The following SHE variants were observed in gnomAD, a reference collection of about 807,000 sequenced individuals.
SHE encodes Src homology 2 domain containing E.
SHE carries 11 observed loss-of-function variants against 49.8 expected under a neutral mutation model. That is an observed-to-expected ratio of 0.22 (90% CI 0.14 to 0.37). The LOEUF (loss-of-function observed/expected upper bound fraction) is 0.37. SHE is among the 10% of genes least tolerant of loss of function. The probability of loss-of-function intolerance (pLI) is 1.00; values close to 1 mark genes in which losing one functional copy is unlikely to be tolerated. For missense variants in SHE, 624 were observed against 655.5 expected, an observed-to-expected ratio of 0.95 and a Z score of 0.52; for synonymous variants, 310 against 278.1, an observed-to-expected ratio of 1.11 and a Z score of -1.14.
intron 5 of SHE, chr1:154,484,568 G>A (rs1231530596): frequency 1.7e-5 from 7 of 422,174 alleles, no homozygotes; most frequent in East Asian, 3.5e-5. Context: ...ATCAGGTAGT[G>A]GAACAAAGAA....
intron 5 of SHE, chr1:154,485,217 G>C (rs1181257255): frequency 6.6e-6 from 1 of 152,048 alleles, no homozygotes; most frequent in Non-Finnish European, 1.5e-5. Flanking sequence ...GCTATTCCTG[G>C]TATTGTATAT....
In SHE at chr1:154,482,592, A is replaced by G; in HGVS notation, c.*1557T>C. 2 of 985,454 alleles carry G rather than the reference A, an allele frequency of 2.0e-6. No individual in the cohort carries two copies. Among genetic ancestry groups the G allele is most frequent in the Non-Finnish European group, 2.4e-6 (2 of 829,938 alleles). The allele number at this position is 985,454 out of a possible 1,614,324, so 61.0% of individuals were successfully genotyped here. On this transcript the variant is annotated 3_prime_UTR_variant, in exon 6 of 6. Transcript: ENST00000304760. Reference sequence around the variant, plus strand: ...TACATTTGCATATGGGGCAGTTTTGAGACCCAAATGACCAACCCCAGAATA... The same window carrying G: ...TACATTTGCATATGGGGCAGTTTTGGGACCCAAATGACCAACCCCAGAATA...
At chr1:154,476,740 T>C (rs563715060), downstream of SHE, among the ~76,000 whole-genome samples, 3 of 152,054 alleles carry the variant, frequency 2.0e-5, no homozygotes, top group Non-Finnish European at 2.9e-5. Flanking sequence ...TTAAGTAAAA[T>C]ATGTTTCTTG....
At chr1:154,487,672 T>A (rs1692221017) in intron 3 of SHE, among the ~76,000 whole-genome samples, 1 of 151,494 alleles carries the variant, frequency 6.6e-6, no homozygotes. Context: ...GGCAGCACAG[T>A]GAGACCCCAT....
intron 1 of SHE, among the ~76,000 whole-genome samples, chr1:154,473,267 T>C (rs940331036): frequency 5.3e-5 from 8 of 152,104 alleles, no homozygotes; most frequent in Admixed American, 1.3e-4. Context: ...CCCAAAGTGC[T>C]GGGATTACAG....
chr1:154,489,360 A>C lies in SHE; in HGVS notation c.719-4T>G, dbSNP rs200447300. 1.2e-6 allele frequency: 2 copies of C among 1,610,122 alleles called. No individual in the cohort carries two copies. The highest frequency in any genetic ancestry group is 4.5e-5 in the East Asian group (2 of 44,498). On this transcript the variant is annotated splice_region_variant and splice_polypyrimidine_tract_variant and intron_variant, in intron 2 of 5. Coordinates refer to ENST00000304760, the MANE Select transcript of SHE (RefSeq NM_001010846.3). ...TTGGAACCCCGTCGTCTAATTTCTG[A>C]AAAACACACACCATTTCTGAAAAAC... is the stretch of plus-strand genomic sequence containing the variant.
Position 154,480,599 on chromosome 1 carries a change from A to T in SHE, c.*3550T>A. The T allele has an allele frequency of 1.0e-6, 1 of 985,474 alleles. No individual in the cohort carries two copies. Among genetic ancestry groups the T allele is most frequent in the Non-Finnish European group, 1.2e-6 (1 of 829,924 alleles). The allele number at this position is 985,474 out of a possible 1,614,324, so 61.0% of individuals were successfully genotyped here. ...CGGCAGAGGCTAGTACACAAATACC[A>T]ATTCTGCAAAGTACGGAGACTTCCA... On this transcript the variant is annotated 3_prime_UTR_variant, in exon 6 of 6. Transcript: ENST00000304760.
intron 2 of SHE, among the ~76,000 whole-genome samples, 158 bp downstream of exon 2, chr1:154,498,954 G>T (rs1310879387): frequency 3.9e-5 from 6 of 152,138 alleles, no homozygotes; most frequent in Admixed American, 3.9e-4. Context: ...TACCTAAATA[G>T]TCCGACATTA....
rs1275594026 is a variant in SHE, at chr1:154,501,634, G to A, written c.393C>T (p.His131=). Residue 131 remains histidine (H), a synonymous_variant, in exon 1 of 6, where the codon CAC becomes CAT. Coordinates refer to ENST00000304760, the MANE Select transcript of SHE (RefSeq NM_001010846.3). ...AGCCCGAGCTCTTGGTTGCACCCCG[G>A]TGGGGCTCCTCCTCCGTGGCCCGGG... is the stretch of plus-strand genomic sequence containing the variant. The part of the protein sequence containing the change: ...KNSRATEEEP[H]RGATKSSGCS... 19 of 1,614,158 alleles carry A rather than the reference G, an allele frequency of 1.2e-5. No homozygotes were observed. The highest frequency in any genetic ancestry group is 1.6e-5 in the Non-Finnish European group (19 of 1,180,014).
chr1:154,489,233 T>C lies in SHE; in HGVS notation c.842A>G (p.Asp281Gly). The C allele has an allele frequency of 6.2e-7, 1 of 1,613,974 alleles. No homozygotes were observed. Among genetic ancestry groups the C allele is most frequent in the Non-Finnish European group, 8.5e-7 (1 of 1,180,002 alleles). ...ETLAKRRSSK[D>G]LLGKPPQLYD... Reference sequence around the variant, plus strand: ...TAGCTGTGGCGGCTTCCCCAGGAGGTCCTTGGAACTCCGTCTTTTGGCCAA... The same window carrying C: ...TAGCTGTGGCGGCTTCCCCAGGAGGCCCTTGGAACTCCGTCTTTTGGCCAA... The change falls in exon 3 of 6, where the codon GAC becomes GGC. Residue 281 changes from aspartate (D) to glycine (G), a missense_variant. Asp to Gly is a moderately conservative substitution (Grantham distance 94). Around this residue, in one of 4 missense-constraint regions of SHE, gnomAD observed 155 missense variants for 142.0 expected, o/e 1.09. Transcript: ENST00000304760.
At position 154,481,739 on chromosome 1, in the gene SHE, G is replaced by A. The variant is rs1571042411; in HGVS notation, c.*2410C>T. On this transcript the variant is annotated 3_prime_UTR_variant, in exon 6 of 6. Transcript: ENST00000304760. Reference sequence around the variant, plus strand: ...TGTATAAAGATAATAAATATTTGTTGAATGGATGCTGAAAAAACCTTTTAA... The same window carrying A: ...TGTATAAAGATAATAAATATTTGTTAAATGGATGCTGAAAAAACCTTTTAA... The A allele has an allele frequency of 1.0e-6, 1 of 958,602 alleles. No homozygotes were observed. The highest frequency in any genetic ancestry group is 6.2e-5 in the Admixed American group (1 of 16,226). The allele number at this position is 958,602 out of a possible 1,614,324, so 59.4% of individuals were successfully genotyped here.
intron 1 of SHE, among the ~76,000 whole-genome samples, chr1:154,500,787 T>C (rs1470548584): frequency 2.0e-5 from 3 of 152,204 alleles, no homozygotes; most frequent in African/African-American, 7.2e-5. Flanking sequence ...GTAATTTCCT[T>C]GAGAGCATTT....
rs763119555 is a variant in SHE at position 154,501,513 on chromosome 1, A to AGGAGCT, written c.508_513dup (p.Ser173_Ser174dup). 15 of 1,614,060 alleles carry AGGAGCT rather than the reference A, an allele frequency of 9.3e-6. No individual in the cohort carries two copies. The highest frequency in any genetic ancestry group is 3.3e-5 in the Admixed American group (2 of 60,006). On this transcript the variant is annotated inframe_insertion, in exon 1 of 6. Coordinates refer to ENST00000304760, the MANE Select transcript of SHE (RefSeq NM_001010846.3). ...GAAGGGGAAGAGGACGCGGAGGAAG[A>AGGAGCT]GGAGCTGGAGCTGGAGCTACTGCTG...
chr1:154,488,940 A>T, intron 3 of SHE, 111 bp downstream of exon 3: 1 of 1,355,552 alleles, frequency 7.4e-7, no homozygotes, highest in Non-Finnish European at 9.9e-7. Context: ...TTGCACATTG[A>T]GAAGAGAAAG....
chr1:154,491,566 A>C (rs1354314171), intron 2 of SHE, among the ~76,000 whole-genome samples: 2 of 152,172 alleles, frequency 1.3e-5, no homozygotes, highest in Non-Finnish European at 2.9e-5. Context: ...CTCTTCTCCC[A>C]CTGCATCCAT....
chr1:154,475,556 A>T (rs1271124274), downstream of SHE, among the ~76,000 whole-genome samples: 2 of 152,212 alleles, frequency 1.3e-5, no homozygotes, highest in African/African-American at 4.8e-5. Context: ...TTTCTTGTGT[A>T]CATATTTAAT....
chr1:154,488,645 G>A (rs922842779), intron 3 of SHE, among the ~76,000 whole-genome samples: 1 of 152,142 alleles, frequency 6.6e-6, no homozygotes, highest in Non-Finnish European at 1.5e-5. Flanking sequence ...GAAATGCAGT[G>A]GCACGATCTT....
Position 154,489,178 on chromosome 1 carries a change from C to G in SHE, c.897G>C (p.Gly299=), listed in dbSNP as rs764322822. The change falls in exon 3 of 6, where the codon GGG becomes GGC. Residue 299 remains glycine (G), a synonymous_variant. Coordinates refer to ENST00000304760, the MANE Select transcript of SHE (RefSeq NM_001010846.3). ...GCGCCTTCCCCTCTGCCCTGGGCCC[C>G]CCTTCTGCAGGCTCGTAGGGAGTGT... ...LYDTPYEPAE[G]GPRAEGKARP... 3 of 1,614,050 alleles carry G rather than the reference C, an allele frequency of 1.9e-6. No homozygotes were observed. The East Asian group carries it at 6.7e-5, about 36-fold the overall frequency.
intron 1 of SHE, among the ~76,000 whole-genome samples, chr1:154,472,997 C>T (rs1402504022): frequency 1.3e-5 from 2 of 151,776 alleles, no homozygotes; most frequent in African/African-American, 4.8e-5. Flanking sequence ...CCCATCTCTA[C>T]AAAATAATTT....
Sources: allele counts gnomAD v4.1 joint callset (sites outside exome capture counted in the v4.1 genomes callset), GRCh38; gene constraint gnomAD v4.1.1; regional missense constraint gnomAD v4.1.1; transcripts MANE v1.5; gene names NCBI Gene and HGNC (gene_info 2026-07-23, HGNC 2026-07-21).